BCAT1: variants seen among roughly 807,000 people sequenced by gnomAD.
BCAT1 encodes the protein branched chain amino acid transaminase 1.
BCAT1 carries 48 observed loss-of-function variants against 52.4 expected under a neutral mutation model. That is an observed-to-expected ratio of 0.92 (90% CI 0.73 to 1.16). The LOEUF (loss-of-function observed/expected upper bound fraction) is 1.16. Ranked by LOEUF, BCAT1 falls within the 50% of genes most tolerant of loss-of-function variation. The pLI, the probability that BCAT1 is intolerant of heterozygous loss-of-function variation, is 0.00. For missense variants in BCAT1, 451 were observed against 457.1 expected, an observed-to-expected ratio of 0.99 and a Z score of 0.12; for synonymous variants, 167 against 161.3, an observed-to-expected ratio of 1.04 and a Z score of -0.27.
At chr12:24,862,383 C>T (rs185293631) in intron 5 of BCAT1, among the ~76,000 whole-genome samples, 16 of 152,336 alleles carry the variant, frequency 1.1e-4, no homozygotes, top group East Asian at 1.9e-4. Flanking sequence ...CTGCCTGACA[C>T]TGCCCCTCCC....
At chr12:24,948,336 G>A (rs190208603) in intron 1 of BCAT1, among the ~76,000 whole-genome samples, 1 of 152,222 alleles carries the variant, frequency 6.6e-6, no homozygotes, top group African/African-American at 2.4e-5. Flanking sequence ...AGAGCCATTA[G>A]GGTGCTCACT....
chr12:24,947,718 T>G (rs971219122), intron 1 of BCAT1, among the ~76,000 whole-genome samples: 1 of 152,210 alleles, frequency 6.6e-6, no homozygotes, highest in Admixed American at 6.5e-5. Context: ...AACGCGTAAT[T>G]AACCACAACT....
At chr12:24,819,731 T>C (rs2139311152) in intron 10 of BCAT1, among the ~76,000 whole-genome samples, 1 of 152,314 alleles carries the variant, frequency 6.6e-6, no homozygotes, top group South Asian at 2.1e-4. Flanking sequence ...GTAAAAATAC[T>C]GGCAGCCAAG....
At chr12:24,879,743 T>C (rs1942441438) in intron 4 of BCAT1, among the ~76,000 whole-genome samples, 1 of 152,208 alleles carries the variant, frequency 6.6e-6, no homozygotes, top group African/African-American at 2.4e-5. Flanking sequence ...TTTTGCTCTT[T>C]GTGACTTCAG....
Position 24,842,541 on chromosome 12 carries a change from A to G in BCAT1, c.675-317T>C, listed in dbSNP as rs1189151807. Among the ~76,000 whole-genome samples, 5 of 152,234 alleles carry G rather than the reference A, an allele frequency of 3.3e-5. No homozygotes were observed. In the East Asian group the frequency reaches 7.7e-4, roughly 23 times the overall value. On this transcript the variant is annotated intron_variant, in intron 6 of 10. Coordinates refer to ENST00000261192, the MANE Select transcript of BCAT1 (RefSeq NM_005504.7). ...GTTAAAAGTTACTATGTTTCCACAC[A>G]CCAAGCAATTTTACATGAATTATTT...
At chr12:24,866,593 C>T (rs1386370546) in intron 5 of BCAT1, among the ~76,000 whole-genome samples, 1 of 152,340 alleles carries the variant, frequency 6.6e-6, no homozygotes, top group South Asian at 2.1e-4. Flanking sequence ...AGAATCTTTA[C>T]GTCTGGCTAA....
chr12:24,882,520 T>C (rs1366732118), intron 3 of BCAT1, among the ~76,000 whole-genome samples: 2 of 152,156 alleles, frequency 1.3e-5, no homozygotes, highest in Non-Finnish European at 2.9e-5. Flanking sequence ...GTTTGTTAGA[T>C]TGGACTCAGC....
intron 5 of BCAT1, among the ~76,000 whole-genome samples, 152 bp downstream of exon 5, chr12:24,878,378 T>C (rs1022451971): frequency 5.9e-5 from 9 of 152,126 alleles, no homozygotes. Context: ...ACAGAAAATG[T>C]TTGCTACCTC....
At chr12:24,907,566 A>G (rs1193209292) in intron 1 of BCAT1, among the ~76,000 whole-genome samples, 1 of 152,082 alleles carries the variant, frequency 6.6e-6, no homozygotes, top group Non-Finnish European at 1.5e-5. Flanking sequence ...TAACCGATCA[A>G]TTGACTTTGT....
intron 10 of BCAT1, among the ~76,000 whole-genome samples, chr12:24,827,859 G>C (rs1199886377): frequency 6.6e-6 from 1 of 152,128 alleles, no homozygotes; most frequent in Non-Finnish European, 1.5e-5. Context: ...CAGAAAACTT[G>C]CTGAGTAAGT....
intron 5 of BCAT1, among the ~76,000 whole-genome samples, chr12:24,860,103 T>C (rs1941813556): frequency 6.6e-6 from 1 of 152,250 alleles, no homozygotes; most frequent in African/African-American, 2.4e-5. Context: ...TAAGACTTTA[T>C]GTTATCCACA....
chr12:24,855,971 G>A (rs1941668505), intron 5 of BCAT1, among the ~76,000 whole-genome samples: 1 of 152,010 alleles, frequency 6.6e-6, no homozygotes, highest in Non-Finnish European at 1.5e-5. Flanking sequence ...CTTAAACAAT[G>A]TGCAAATCAG....
intron 5 of BCAT1, among the ~76,000 whole-genome samples, chr12:24,859,175 A>G (rs1207087946): frequency 6.6e-6 from 1 of 152,266 alleles, no homozygotes; most frequent in African/African-American, 2.4e-5. Context: ...CATTAATGCA[A>G]AGATGAAATT....
At chr12:24,925,869 G>C (rs895135831) in intron 1 of BCAT1, among the ~76,000 whole-genome samples, 1 of 152,236 alleles carries the variant, frequency 6.6e-6, no homozygotes, top group Non-Finnish European at 1.5e-5. Flanking sequence ...CGGGATTGCA[G>C]ACGGAGTCTC....
chr12:24,881,856 T>C (rs1258946018), intron 3 of BCAT1, among the ~76,000 whole-genome samples: 2 of 152,098 alleles, frequency 1.3e-5, no homozygotes, highest in African/African-American at 4.8e-5. Context: ...TAGTAGATAA[T>C]CCAGATGTGA....
intron 5 of BCAT1, among the ~76,000 whole-genome samples, chr12:24,869,484 G>A (rs982655563): frequency 1.3e-5 from 2 of 152,062 alleles, no homozygotes; most frequent in African/African-American, 4.8e-5. Flanking sequence ...AATTGTCTGC[G>A]AGCCTAATTT....
At chr12:24,829,922 A>C (rs1244327526) in intron 9 of BCAT1, 25 bp from the exon 10 acceptor site, 3 of 1,548,976 alleles carry the variant, frequency 1.9e-6, no homozygotes, top group Non-Finnish European at 2.7e-6. Context: ...GAAATGAGAT[A>C]ATTTGAGGGT....
intron 5 of BCAT1, among the ~76,000 whole-genome samples, chr12:24,862,017 G>T (rs1197512641): frequency 6.6e-6 from 1 of 152,146 alleles, no homozygotes; most frequent in East Asian, 1.9e-4. Context: ...ACCCTATATG[G>T]TCTAAAAGAA....
chr12:24,858,788 T>TA (rs1223538897), intron 5 of BCAT1, among the ~76,000 whole-genome samples: 12 of 152,234 alleles, frequency 7.9e-5, no homozygotes, highest in African/African-American at 2.9e-4. Flanking sequence ...GTGTTTTTGG[T>TA]AAAAGATTAT....
Sources: allele counts gnomAD v4.1 joint callset (sites outside exome capture counted in the v4.1 genomes callset), GRCh38; gene constraint gnomAD v4.1.1; transcripts MANE v1.5; gene names NCBI Gene and HGNC (gene_info 2026-07-23, HGNC 2026-07-21).